MALRD1: variants seen among roughly 807,000 people sequenced by gnomAD.
MALRD1 encodes the protein MAM and LDL-receptor class A domain-containing protein 1.
In MALRD1, 247 loss-of-function variants were observed where a neutral mutation model predicts 242.1. The observed-to-expected ratio is 1.02, with a 90% CI of 0.92 to 1.13. The LOEUF is 1.13. Among genes scored for constraint, MALRD1 ranks in the 50% most tolerant of loss-of-function variants. The pLI, the probability that MALRD1 is intolerant of heterozygous loss-of-function variation, is 0.00. For synonymous variants in MALRD1, 995 were observed against 866.6 expected, an observed-to-expected ratio of 1.15 and a Z score of -2.60; for missense variants, 2,989 against 2,533.1, an observed-to-expected ratio of 1.18 and a Z score of -3.86.
At chr10:19,321,196 T>A (rs1358769999) in intron 21 of MALRD1, among the ~76,000 whole-genome samples, 1 of 152,278 alleles carries the variant, frequency 6.6e-6, no homozygotes, top group African/African-American at 2.4e-5. Flanking sequence ...GCACCTCTGT[T>A]CTTCTCATGA....
chr10:19,096,145 C>G (rs1314882190), intron 4 of MALRD1, among the ~76,000 whole-genome samples: 1 of 152,154 alleles, frequency 6.6e-6, no homozygotes, highest in Non-Finnish European at 1.5e-5. Context: ...AGAGCTGGAA[C>G]TTGCTATATC....
intron 32 of MALRD1, among the ~76,000 whole-genome samples, chr10:19,537,354 C>T (rs1420647994): frequency 6.6e-6 from 1 of 152,188 alleles, no homozygotes; most frequent in African/African-American, 2.4e-5. Flanking sequence ...CCATTGACTG[C>T]ATGACTTATA....
At chr10:19,698,765 GACA>G (rs1369484727) in intron 38 of MALRD1, among the ~76,000 whole-genome samples, 1 of 152,162 alleles carries the variant, frequency 6.6e-6, no homozygotes, top group African/African-American at 2.4e-5. Context: ...GGAGTGTAAA[GACA>G]ATTTTTGGCT....
intron 28 of MALRD1, among the ~76,000 whole-genome samples, chr10:19,424,993 A>T (rs1833853813): frequency 1.3e-5 from 2 of 152,204 alleles, no homozygotes; most frequent in African/African-American, 4.8e-5. Context: ...TACAACAGGG[A>T]GAACACTTTC....
chr10:19,140,029 G>A (rs933310883), intron 10 of MALRD1, among the ~76,000 whole-genome samples: 1 of 152,112 alleles, frequency 6.6e-6, no homozygotes, highest in African/African-American at 2.4e-5. Context: ...GTCCTTAAGA[G>A]CATCAATATT....
At chr10:19,061,016 T>C (rs1590373003) in intron 1 of MALRD1, among the ~76,000 whole-genome samples, 1 of 152,092 alleles carries the variant, frequency 6.6e-6, no homozygotes, top group African/African-American at 2.4e-5. Flanking sequence ...ACTAACACAG[T>C]AACAGAAAAC....
chr10:19,647,844 A>G (rs770487364), intron 36 of MALRD1, among the ~76,000 whole-genome samples: 8 of 152,156 alleles, frequency 5.3e-5, no homozygotes, highest in Non-Finnish European at 7.3e-5. Context: ...ACTAGGCAAA[A>G]TACATGACAC....
chr10:19,222,099 C>G (rs970062858), intron 18 of MALRD1, among the ~76,000 whole-genome samples: 1 of 151,868 alleles, frequency 6.6e-6, no homozygotes, highest in African/African-American at 2.4e-5. Context: ...CTCCCTTGCT[C>G]CCTCCATCCC....
intron 31 of MALRD1, among the ~76,000 whole-genome samples, chr10:19,505,453 G>T (rs891786028): frequency 1.3e-5 from 2 of 152,148 alleles, no homozygotes; most frequent in African/African-American, 4.8e-5. Context: ...GGCCACGTAA[G>T]GACACAGAGA....
At chr10:19,463,644 T>A in intron 29 of MALRD1, among the ~76,000 whole-genome samples, 1 of 152,070 alleles carries the variant, frequency 6.6e-6, no homozygotes. Context: ...GTTACATATT[T>A]TTGAAACTGT....
intron 26 of MALRD1, among the ~76,000 whole-genome samples, chr10:19,367,274 C>T (rs1159739174): frequency 6.6e-6 from 1 of 152,028 alleles, no homozygotes; most frequent in Non-Finnish European, 1.5e-5. Flanking sequence ...CTTCCTTCTA[C>T]CCTTCCAAGC....
intron 9 of MALRD1, among the ~76,000 whole-genome samples, chr10:19,136,156 G>A (rs933960849): frequency 2.0e-5 from 3 of 151,348 alleles, no homozygotes; most frequent in Admixed American, 2.0e-4. Flanking sequence ...TACAGCTCTT[G>A]TTCTATAAGT....
intron 28 of MALRD1, among the ~76,000 whole-genome samples, chr10:19,429,930 T>C (rs997567935): frequency 6.6e-6 from 1 of 152,088 alleles, no homozygotes; most frequent in Non-Finnish European, 1.5e-5. Flanking sequence ...ATCCTTGTCA[T>C]AGACGCTTTC....
intron 13 of MALRD1, among the ~76,000 whole-genome samples, chr10:19,171,429 CATATAT>C (rs71387049): frequency 0.1 from 6,303 of 61,424 alleles, 357 homozygotes; most frequent in Non-Finnish European, 0.14. Context: ...ATTTTATATA[CATATAT>C]ATATATATAT....
rs906776892 is a variant in MALRD1 at position 19,176,176 on chromosome 10, T to C, written c.1951+848T>C. Among the ~76,000 whole-genome samples the C allele has an allele frequency of 5.9e-5, 9 of 152,148 alleles. No homozygotes were observed. In the East Asian group the frequency reaches 7.7e-4, roughly 13 times the overall value. ...GCATATGAAAATCAGACATACTGTATATTCCTAAGTTATATATACTTAAAC... is the reference window on the plus strand; with the variant it reads ...GCATATGAAAATCAGACATACTGTACATTCCTAAGTTATATATACTTAAAC... On this transcript the variant is annotated intron_variant, in intron 14 of 39. Transcript: ENST00000454679.
intron 28 of MALRD1, among the ~76,000 whole-genome samples, chr10:19,418,825 C>G (rs1833608338): frequency 6.6e-6 from 1 of 152,142 alleles, no homozygotes; most frequent in East Asian, 1.9e-4. Context: ...ATCCTTATAA[C>G]CAACATCTTA....
intron 31 of MALRD1, among the ~76,000 whole-genome samples, chr10:19,527,674 A>G (rs939111141): frequency 2.6e-5 from 4 of 152,216 alleles, no homozygotes; most frequent in Non-Finnish European, 5.9e-5. Context: ...CAAACATATT[A>G]GTTATTTAAC....
intron 19 of MALRD1, among the ~76,000 whole-genome samples, chr10:19,258,602 T>C (rs1391942781): frequency 6.6e-6 from 1 of 152,182 alleles, no homozygotes; most frequent in Non-Finnish European, 1.5e-5. Context: ...ACCAGCTCCA[T>C]CCCATGCAGA....
At chr10:19,537,309 A>T (rs7076844) in intron 32 of MALRD1, among the ~76,000 whole-genome samples, 2 of 152,142 alleles carry the variant, frequency 1.3e-5, no homozygotes, top group South Asian at 4.1e-4. Context: ...ATGAAACTTG[A>T]TATCTTAGTT....
Sources: gnomAD v4.1 joint callset for allele counts (sites outside exome capture counted in the v4.1 genomes callset) on GRCh38, gnomAD v4.1.1 for gene constraint, MANE v1.5 for transcripts, NCBI Gene and HGNC (gene_info 2026-07-23, HGNC 2026-07-21) for gene names.